The following CADM1 variants were observed in gnomAD, a reference collection of about 807,000 sequenced individuals.
CADM1 encodes TSLC-1.
In CADM1, 15 loss-of-function variants were observed where a neutral mutation model predicts 53.1. The observed-to-expected ratio is 0.28, with a 90% CI of 0.19 to 0.44. The LOEUF (loss-of-function observed/expected upper bound fraction) is 0.44, where lower values mean the gene tolerates loss of function less well. CADM1 is among the 20% of genes least tolerant of loss of function. The probability of loss-of-function intolerance (pLI) is 1.00; values close to 1 mark genes in which losing one functional copy is unlikely to be tolerated. For missense variants in CADM1, 434 were observed against 611.3 expected (o/e 0.71, Z 3.06); for synonymous variants, 281 against 243.0 (o/e 1.16, Z -1.45).
chr11:115,494,267 G>GA (rs1238367412), intron 1 of CADM1, among the ~76,000 whole-genome samples: 1 of 152,016 alleles, frequency 6.6e-6, no homozygotes, highest in Non-Finnish European at 1.5e-5. Flanking sequence ...AAAGTTGAGG[G>GA]AAAAATAGAC....
chr11:115,224,350 A>C (rs1941520832), intron 5 of CADM1, among the ~76,000 whole-genome samples: 1 of 152,098 alleles, frequency 6.6e-6, no homozygotes, highest in African/African-American at 2.4e-5. Context: ...TTTATAAAAT[A>C]CCTAGCTACA....
intron 1 of CADM1, among the ~76,000 whole-genome samples, chr11:115,281,775 C>T (rs1943591237): frequency 6.6e-6 from 1 of 151,930 alleles, no homozygotes; most frequent in African/African-American, 2.4e-5. Context: ...AGCTTAGTTC[C>T]TAATAAATAA....
chr11:115,430,975 T>C (rs1195487870), intron 1 of CADM1, among the ~76,000 whole-genome samples: 5 of 152,226 alleles, frequency 3.3e-5, no homozygotes, highest in Non-Finnish European at 7.3e-5. Context: ...CTGATATTGC[T>C]GGAAATATTT....
intron 1 of CADM1, among the ~76,000 whole-genome samples, chr11:115,296,323 T>C (rs1944077961): frequency 6.6e-6 from 1 of 152,166 alleles, no homozygotes; most frequent in Non-Finnish European, 1.5e-5. Context: ...TGCCTTAAGT[T>C]TGCCCGCACC....
intron 1 of CADM1, among the ~76,000 whole-genome samples, chr11:115,441,008 G>C (rs1004274582): frequency 1.3e-5 from 2 of 151,822 alleles, no homozygotes; most frequent in Admixed American, 1.3e-4. Context: ...TCAAACTCCT[G>C]GGTTCAGGTG....
chr11:115,317,985 CA>C (rs2135179948), intron 1 of CADM1, among the ~76,000 whole-genome samples: 1 of 15,536 alleles, frequency 6.4e-5, no homozygotes, highest in African/African-American at 1.3e-4. Flanking sequence ...TTACACACTA[CA>C]CACACACACA....
At chr11:115,504,074 G>C (rs1949796014) in intron 1 of CADM1, among the ~76,000 whole-genome samples, 197 bp downstream of exon 1, 1 of 151,966 alleles carries the variant, frequency 6.6e-6, no homozygotes, top group African/African-American at 2.4e-5. Flanking sequence ...TTCACACTTA[G>C]CCGGGCAGGG....
At chr11:115,330,669 G>A (rs1320149788) in intron 1 of CADM1, among the ~76,000 whole-genome samples, 1 of 152,118 alleles carries the variant, frequency 6.6e-6, no homozygotes, top group East Asian at 1.9e-4. Context: ...CCACCCTCAT[G>A]GAGCTCAGTC....
intron 1 of CADM1, among the ~76,000 whole-genome samples, chr11:115,300,261 T>C (rs1179262005): frequency 6.6e-6 from 1 of 152,122 alleles, no homozygotes; most frequent in Non-Finnish European, 1.5e-5. Flanking sequence ...TAAATTATGG[T>C]AATAATTCCT....
chr11:115,238,793 ATAACCT>A, intron 2 of CADM1, 141 bp from the exon 3 acceptor site: 1 of 822,872 alleles, frequency 1.2e-6, no homozygotes, highest in East Asian at 2.6e-5. Context: ...ATGTAGACAA[ATAACCT>A]TGTCCAAAGG....
chr11:115,198,610 C>CT (rs1240123348), intron 8 of CADM1, among the ~76,000 whole-genome samples, 172 bp from the exon 9 acceptor site: 2 of 152,222 alleles, frequency 1.3e-5, no homozygotes, highest in Non-Finnish European at 2.9e-5. Flanking sequence ...GTGAGTTGCA[C>CT]TGTTTTAAGA....
intron 1 of CADM1, among the ~76,000 whole-genome samples, chr11:115,269,248 T>G (rs570129792): frequency 1.4e-4 from 22 of 152,210 alleles, no homozygotes; most frequent in African/African-American, 5.1e-4. Context: ...CAAGGGGTCA[T>G]CAGAGTTCCC....
chr11:115,362,695 T>C (rs1946059827), intron 1 of CADM1, among the ~76,000 whole-genome samples: 1 of 152,056 alleles, frequency 6.6e-6, no homozygotes, highest in African/African-American at 2.4e-5. Flanking sequence ...TATTTAACAA[T>C]GGATGATTAA....
At chr11:115,403,627 C>A (rs575259140) in intron 1 of CADM1, among the ~76,000 whole-genome samples, 1 of 151,752 alleles carries the variant, frequency 6.6e-6, no homozygotes, top group African/African-American at 2.4e-5. Context: ...GACGGAGTCT[C>A]CCTCTGTCAT....
chr11:115,453,287 A>G (rs970025146), intron 1 of CADM1, among the ~76,000 whole-genome samples: 46 of 151,750 alleles, frequency 3.0e-4, no homozygotes, highest in Non-Finnish European at 1.3e-4. Context: ...GGATTGCTTG[A>G]GCCTGGGAGC....
chr11:115,215,336 C>T lies in CADM1; in HGVS notation c.822-556G>A, dbSNP rs956346179. Among the ~76,000 whole-genome samples, 24 of 152,318 alleles carry T rather than the reference C, an allele frequency of 1.6e-4. 1 individual carries two copies. The highest frequency in any genetic ancestry group is 5.5e-4 in the African/African-American group (23 of 41,582). ...GATTCTGGAAAGATGTAATCATTTC[C>T]TCTTCCCTTTAACCCCTCCCCATAA... On this transcript the variant is annotated intron_variant, in intron 6 of 11. Transcript: ENST00000331581.
chr11:115,203,827 ATGT>A (rs1414860765), intron 8 of CADM1, among the ~76,000 whole-genome samples: 1 of 152,152 alleles, frequency 6.6e-6, no homozygotes, highest in Non-Finnish European at 1.5e-5. Flanking sequence ...CTGGTTAGCT[ATGT>A]TGTTATTTGT....
At chr11:115,394,421 G>A (rs1435008678) in intron 1 of CADM1, among the ~76,000 whole-genome samples, 1 of 151,610 alleles carries the variant, frequency 6.6e-6, no homozygotes, top group Non-Finnish European at 1.5e-5. Context: ...GCTCCAGAGG[G>A]AAAATCATGT....
chr11:115,398,788 T>C (rs933002342), intron 1 of CADM1, among the ~76,000 whole-genome samples: 5 of 152,194 alleles, frequency 3.3e-5, no homozygotes, highest in African/African-American at 4.8e-5. Context: ...GACTATGACA[T>C]TCAAGAAGAT....
Sources: gnomAD v4.1 joint callset for allele counts (sites outside exome capture counted in the v4.1 genomes callset) on GRCh38, gnomAD v4.1.1 for gene constraint, MANE v1.5 for transcripts, NCBI Gene and HGNC (gene_info 2026-07-23, HGNC 2026-07-21) for gene names.